CHST9: variants seen among roughly 807,000 people sequenced by gnomAD.
The protein encoded by CHST9 is GalNAc-4-sulfotransferase 2.
In CHST9, 41 loss-of-function variants were observed where a neutral mutation model predicts 44.4. The observed-to-expected ratio is 0.92, with a 90% confidence interval of 0.72 to 1.20. CHST9 has a LOEUF of 1.20. CHST9 is among the 50% of genes most tolerant of loss of function. The pLI is 0.00. For missense variants in CHST9, 504 were observed against 516.5 expected, an observed-to-expected ratio of 0.98 and a Z score of 0.23; for synonymous variants, 171 against 178.4, an observed-to-expected ratio of 0.96 and a Z score of 0.33.
chr18:26,984,171 C>A (rs1036246846), intron 4 of CHST9, among the ~76,000 whole-genome samples: 8 of 152,154 alleles, frequency 5.3e-5, no homozygotes, highest in Non-Finnish European at 1.0e-4. Context: ...TTAATTGTAA[C>A]TTTTCCAATA....
intron 1 of CHST9, among the ~76,000 whole-genome samples, chr18:27,158,927 A>G (rs1452402855): frequency 1.3e-5 from 2 of 152,208 alleles, no homozygotes; most frequent in African/African-American, 4.8e-5. Flanking sequence ...CTGTCTGTTC[A>G]TATCCTTCGC....
At chr18:26,977,996 T>A (rs535496435) in intron 4 of CHST9, among the ~76,000 whole-genome samples, 16 of 152,146 alleles carry the variant, frequency 1.1e-4, no homozygotes, top group Admixed American at 7.2e-4. Context: ...GAGTCCCCTT[T>A]GTAGATGCAG....
At position 26,911,998 on chromosome 18, in the gene CHST9, C is replaced by T. The variant is rs1296751886; in HGVS notation, c.*4261G>A. 6.6e-6 allele frequency: 1 copy of T among 152,152 alleles called. No homozygotes were observed. The highest frequency in any genetic ancestry group is 1.5e-5 in the Non-Finnish European group (1 of 68,068). 9.4% of individuals were successfully genotyped at this position (152,152 alleles called of 1,614,324 possible). ...GGAAGAAGGGGATAATGCACAGTTGCTCTGTTTCTAGCAGGAGTGGTTCTC... is the reference window on the plus strand; with the variant it reads ...GGAAGAAGGGGATAATGCACAGTTGTTCTGTTTCTAGCAGGAGTGGTTCTC... On this transcript the variant is annotated 3_prime_UTR_variant, in exon 6 of 6. Coordinates refer to ENST00000618847, the MANE Select transcript of CHST9 (RefSeq NM_031422.6).
chr18:26,998,901 C>T (rs372788399), intron 4 of CHST9, among the ~76,000 whole-genome samples: 43 of 152,334 alleles, frequency 2.8e-4, no homozygotes, highest in African/African-American at 9.9e-4. Flanking sequence ...TGAGGCCACG[C>T]TCTTTCCCTC....
chr18:26,974,898 A>G (rs2056598320), intron 4 of CHST9, among the ~76,000 whole-genome samples: 1 of 151,630 alleles, frequency 6.6e-6, no homozygotes, highest in African/African-American at 2.4e-5. Flanking sequence ...CTGGTCTTGA[A>G]CTCTGACCTC....
At position 27,161,090 on chromosome 18, in the gene CHST9, T is replaced by C. The variant is rs564685931; in HGVS notation, c.-96-18185A>G. ...CTGGATTCATTGATTTTTTGAAGGG[T>C]TTTTTGTGTCTCTATTTCCTTCAGT... On this transcript the variant is annotated intron_variant, in intron 1 of 5. Coordinates refer to ENST00000618847, the MANE Select transcript of CHST9 (RefSeq NM_031422.6). Among the ~76,000 whole-genome samples the C allele has an allele frequency of 2.0e-5, 3 of 152,144 alleles. No individual in the cohort carries two copies. In the East Asian group the frequency reaches 5.8e-4, roughly 29 times the overall value.
At chr18:27,033,188 G>A (rs1484337621) in intron 3 of CHST9, among the ~76,000 whole-genome samples, 3 of 152,236 alleles carry the variant, frequency 2.0e-5, no homozygotes, top group African/African-American at 7.2e-5. Flanking sequence ...TAATCTTGGA[G>A]TCAGAATGAG....
intron 1 of CHST9, among the ~76,000 whole-genome samples, chr18:27,169,598 CTTTTTTTTT>C (rs1156859087): frequency 2.4e-5 from 2 of 82,188 alleles, no homozygotes; most frequent in South Asian, 5.7e-4. Context: ...ATATATTCTT[CTTTTTTTTT>C]TTTTTTTTTT....
intron 5 of CHST9, among the ~76,000 whole-genome samples, chr18:26,920,215 A>G (rs1160185141): frequency 6.6e-6 from 1 of 152,096 alleles, no homozygotes; most frequent in African/African-American, 2.4e-5. Context: ...TATTCCCACC[A>G]TCTTTCTGAC....
intron 3 of CHST9, among the ~76,000 whole-genome samples, chr18:27,047,388 T>TTGTGTGTGTGTG (rs55698484): frequency 0.043 from 6,302 of 145,558 alleles, 226 homozygotes; most frequent in African/African-American, 0.093. Flanking sequence ...GCCTTCATAA[T>TTGTGTGTGTGTG]TGTGTGTGTG....
intron 4 of CHST9, among the ~76,000 whole-genome samples, chr18:26,950,498 A>G (rs2056230240): frequency 6.6e-6 from 1 of 152,232 alleles, no homozygotes; most frequent in African/African-American, 2.4e-5. Flanking sequence ...GTAAGTGGAT[A>G]AAGAAAATGT....
chr18:26,932,007 T>C (rs2055886872), intron 5 of CHST9, among the ~76,000 whole-genome samples: 1 of 152,186 alleles, frequency 6.6e-6, no homozygotes, highest in South Asian at 2.1e-4. Flanking sequence ...TTCCTTGCTA[T>C]CAGATCCAAA....
intron 2 of CHST9, among the ~76,000 whole-genome samples, chr18:27,088,410 T>C (rs1310615562): frequency 6.7e-6 from 1 of 149,622 alleles, no homozygotes; most frequent in Non-Finnish European, 1.5e-5. Context: ...TTTTTTGCTT[T>C]TTTGAGATGG....
chr18:27,183,683 T>C (rs1460024843), intron 1 of CHST9, among the ~76,000 whole-genome samples: 1 of 152,232 alleles, frequency 6.6e-6, no homozygotes, highest in Non-Finnish European at 1.5e-5. Context: ...TGTAAGTGCC[T>C]AGGAATCATA....
chr18:27,082,120 C>A (rs576614746), intron 2 of CHST9, among the ~76,000 whole-genome samples: 2 of 152,224 alleles, frequency 1.3e-5, no homozygotes, highest in East Asian at 3.9e-4. Context: ...ATATTAAGTA[C>A]AAATGCATCC....
intron 4 of CHST9, among the ~76,000 whole-genome samples, chr18:26,950,482 C>G (rs1389023634): frequency 2.0e-5 from 3 of 152,160 alleles, no homozygotes; most frequent in African/African-American, 7.2e-5. Flanking sequence ...AAATGCCCAT[C>G]AACCAGTAAG....
Position 27,087,196 on chromosome 18 carries a change from C to T in CHST9, c.122-38693G>A, listed in dbSNP as rs769345392. Among the ~76,000 whole-genome samples, 3 of 152,104 alleles carry T rather than the reference C, an allele frequency of 2.0e-5. No homozygotes were observed. The East Asian group carries it at 5.8e-4, about 29-fold the overall frequency. On this transcript the variant is annotated intron_variant, in intron 2 of 5. Transcript: ENST00000618847. Reference sequence around the variant, plus strand: ...TCTTGAATTGGACTCTATTCTCTTTCCTAGAGCCCCTTCTAAAAATTTATG... The same window carrying T: ...TCTTGAATTGGACTCTATTCTCTTTTCTAGAGCCCCTTCTAAAAATTTATG...
intron 5 of CHST9, 120 bp from the exon 6 acceptor site, chr18:26,917,470 G>T: frequency 8.4e-7 from 1 of 1,184,110 alleles, no homozygotes; most frequent in Non-Finnish European, 1.2e-6. Flanking sequence ...CATATAAGCT[G>T]CCAGAACAAT....
In CHST9 at chr18:27,161,805, A is replaced by G. The variant is rs148450058; in HGVS notation, c.-96-18900T>C. Among the ~76,000 whole-genome samples, 1,233 of 152,204 alleles carry G rather than the reference A, an allele frequency of 8.1e-3. 17 individuals are homozygous for G. The highest frequency in any genetic ancestry group is 0.029 in the African/African-American group (1,184 of 41,500). On this transcript the variant is annotated intron_variant, in intron 1 of 5. Coordinates refer to ENST00000618847, the MANE Select transcript of CHST9 (RefSeq NM_031422.6). ...ATCTGGGTGCTCCTGTATTGTGTGC[A>G]TATATATTTAGGATAGTTAGCTCTT...
Sources: allele counts gnomAD v4.1 joint callset (sites outside exome capture counted in the v4.1 genomes callset), GRCh38; gene constraint gnomAD v4.1.1; transcripts MANE v1.5; gene names NCBI Gene and HGNC (gene_info 2026-07-23, HGNC 2026-07-21).